PRR5: variants seen among roughly 807,000 people sequenced by gnomAD.
PRR5 encodes proline-rich protein 5.
A neutral mutation model predicts 30.6 loss-of-function variants in PRR5; 25 were observed. The observed-to-expected ratio is 0.82, with a 90% confidence interval of 0.60 to 1.14. The LOEUF (loss-of-function observed/expected upper bound fraction) is 1.14, where lower values mean the gene tolerates loss of function less well. Ranked by LOEUF, PRR5 falls within the 50% of genes most tolerant of loss-of-function variation. The pLI is 0.00. For missense variants in PRR5, 600 were observed against 547.1 expected, an observed-to-expected ratio of 1.10 and a Z score of -0.96; for synonymous variants, 286 against 247.1, an observed-to-expected ratio of 1.16 and a Z score of -1.48.
Position 44,737,322 on chromosome 22 carries a change from T to C in PRR5, c.*75T>C. ...GGTGTCCATGTGGCGTGTGTGTGAG[T>C]GAGACTTTTTTACTGCGTCCCGTCC... On this transcript the variant is annotated 3_prime_UTR_variant, in exon 8 of 8. Transcript: ENST00000336985. The C allele has an allele frequency of 6.6e-7, 1 of 1,513,644 alleles. No homozygotes were observed. The highest frequency in any genetic ancestry group is 8.8e-7 in the Non-Finnish European group (1 of 1,130,966). 93.8% of individuals were successfully genotyped at this position (1,513,644 alleles called of 1,614,324 possible).
At chr22:44,726,067 G>A (rs1459002924) in intron 3 of PRR5, among the ~76,000 whole-genome samples, 1 of 152,234 alleles carries the variant, frequency 6.6e-6, no homozygotes, top group Non-Finnish European at 1.5e-5. Context: ...ACAAGCCAGT[G>A]CTTCATTTCT....
chr22:44,673,616 G>A (rs561897367), upstream of PRR5, among the ~76,000 whole-genome samples: 18 of 152,308 alleles, frequency 1.2e-4, no homozygotes, highest in South Asian at 2.1e-4. Flanking sequence ...GTGGATAGAC[G>A]TGTGGCTCCC....
intron 4 of PRR5, chr22:44,729,702 C>T (rs1440691725): frequency 2.2e-5 from 22 of 985,384 alleles, no homozygotes; most frequent in Non-Finnish European, 2.5e-5. Flanking sequence ...AGAGCCCCAA[C>T]AGCCGCGAGG....
chr22:44,719,167 C>A (rs111430257), intron 2 of PRR5, among the ~76,000 whole-genome samples: 3,300 of 151,870 alleles, frequency 0.022, 111 homozygotes, highest in African/African-American at 0.068. Context: ...GCCGCCTGCA[C>A]CTTGTGGGCT....
intron 1 of PRR5, among the ~76,000 whole-genome samples, chr22:44,713,961 G>T (rs1305975204): frequency 6.6e-6 from 1 of 152,138 alleles, no homozygotes; most frequent in African/African-American, 2.4e-5. Context: ...CCGCCATCGC[G>T]CCCTGCTGAT....
upstream of PRR5, among the ~76,000 whole-genome samples, chr22:44,697,778 C>T (rs954376046): frequency 3.9e-5 from 6 of 152,234 alleles, no homozygotes; most frequent in Admixed American, 1.3e-4. Context: ...CTCGGACATA[C>T]GCCTCGGCCT....
rs1926431739 is a variant in PRR5 at position 44,702,264 on chromosome 22, C to A, written c.-211C>A. The A allele has an allele frequency of 6.1e-6, 7 of 1,141,244 alleles. No individual in the cohort carries two copies. The South Asian group carries it at 2.1e-4, about 35-fold the overall frequency. 70.7% of individuals were successfully genotyped at this position (1,141,244 alleles called of 1,614,324 possible). A position where few individuals can be genotyped will look rare whatever the true frequency, so the allele number is the denominator to read the frequency against. The stretch of plus-strand genomic sequence containing the variant: ...GCCTGGCGCTCCACGCTGAGCCTCT[C>A]CGTGCAATGATTAACCCGGCGGGGC... On this transcript the variant is annotated 5_prime_UTR_variant, in exon 1 of 8. Transcript: ENST00000336985.
chr22:44,677,859 T>C (rs1217247704), intron 1 of PRR5, among the ~76,000 whole-genome samples: 1 of 152,264 alleles, frequency 6.6e-6, no homozygotes, highest in Non-Finnish European at 1.5e-5. Context: ...TGTGTCCTTA[T>C]TCTTTCTCAC....
rs146063165 is a variant in PRR5 at position 44,713,889 on chromosome 22, T to C, written c.135-702T>C. 3.1e-3 allele frequency among the ~76,000 whole-genome samples: 474 copies of C among 152,290 alleles called. 4 individuals are homozygous for C. The highest frequency in any genetic ancestry group is 0.018 in the East Asian group (94 of 5,164). ...CGCGATCTCGGCTCATCGCAAGCTCTGCCTCCCGGGTTCACGCCACTCTCC... is the reference window on the plus strand; with the variant it reads ...CGCGATCTCGGCTCATCGCAAGCTCCGCCTCCCGGGTTCACGCCACTCTCC... On this transcript the variant is annotated intron_variant, in intron 1 of 7. Coordinates refer to ENST00000336985, the MANE Select transcript of PRR5 (RefSeq NM_181333.4).
At chr22:44,678,814 G>T (rs545496338) in intron 1 of PRR5, among the ~76,000 whole-genome samples, 1 of 152,280 alleles carries the variant, frequency 6.6e-6, no homozygotes, top group Admixed American at 6.5e-5. Context: ...GCCTGGGGCT[G>T]CTCTGTGTGA....
At chr22:44,676,752 T>A (rs943995321), upstream of PRR5, 1 of 152,472 alleles carries the variant, frequency 6.6e-6, no homozygotes, top group Admixed American at 6.5e-5. Flanking sequence ...GAATGAGCTG[T>A]CTGGGCTCCT....
Position 44,732,350 on chromosome 22 carries a change from C to T in PRR5, c.514C>T (p.Arg172Cys), listed in dbSNP as rs760293496. Residue 172 changes from arginine to cysteine, a missense_variant, in exon 6 of 8, where the codon CGT becomes TGT. By Grantham distance (180) the Arg-to-Cys change is radical. Transcript: ENST00000336985. ...LEDALARAHA[R>C]VPPAIVQMLL... ...GGATGCGCTGGCCCGGGCCCATGCC[C>T]GTGTGCCCCCTGCCATCGTGCAGAT... 21 of 1,611,490 alleles carry T rather than the reference C, an allele frequency of 1.3e-5. No individual in the cohort carries two copies. Among genetic ancestry groups the T allele is most frequent in the Admixed American group, 6.7e-5 (4 of 59,988 alleles).
chr22:44,729,721 C>CCTGGCCTCT, intron 4 of PRR5: 3 of 985,504 alleles, frequency 3.0e-6, no homozygotes, highest in Non-Finnish European at 3.6e-6. Flanking sequence ...GGCTGCCCTT[C>CCTGGCCTCT]CTGGCCTCTC....
At position 44,679,995 on chromosome 22, in the gene PRR5, G is replaced by A. The variant is rs1252874696; in HGVS notation, c.-11+2755G>A. The A allele has an allele frequency of 1.6e-5, 16 of 969,712 alleles. No homozygotes were observed. In the Admixed American group the frequency reaches 3.1e-4, roughly 19 times the overall value. 60.1% of individuals were successfully genotyped at this position (969,712 alleles called of 1,614,324 possible). A position where few individuals can be genotyped will look rare whatever the true frequency, so the allele number is the denominator to read the frequency against. ...GTGAGTAGGACGGCGAGAGACCCACGGGGAATGAGGGCTGGACCTCAGCCT... is the reference window on the plus strand; with the variant it reads ...GTGAGTAGGACGGCGAGAGACCCACAGGGAATGAGGGCTGGACCTCAGCCT... On this transcript the variant is annotated intron_variant, in intron 1 of 8. Transcript: ENST00000006251.
chr22:44,709,522 C>T (rs907634980), intron 1 of PRR5, among the ~76,000 whole-genome samples: 6 of 152,074 alleles, frequency 3.9e-5, no homozygotes, highest in African/African-American at 4.8e-5. Context: ...GAAGGAACGG[C>T]CCCACCAACA....
chr22:44,729,996 A>G, intron 4 of PRR5: 1 of 985,368 alleles, frequency 1.0e-6, no homozygotes, highest in Non-Finnish European at 1.2e-6. Flanking sequence ...GCTGGCCCCC[A>G]TCACCCTCAG....
chr22:44,737,004 G>A lies in PRR5; in HGVS notation c.924G>A (p.Arg308=). 6.2e-7 allele frequency: 1 copy of A among 1,600,088 alleles called. No homozygotes were observed. The highest frequency in any genetic ancestry group is 1.1e-5 in the South Asian group (1 of 90,728). ...GCCAGGGCCCCACCGGGACCTTCAG[G>A]TCCTCCCCGGCGCCCCACTCAGGGC... ...PPGQGPTGTF[R]SSPAPHSGPC... The change falls in exon 8 of 8, where the codon AGG becomes AGA. Residue 308 remains arginine (R), a synonymous_variant. Transcript: ENST00000336985.
chr22:44,714,253 T>G, intron 1 of PRR5, among the ~76,000 whole-genome samples: 1 of 149,736 alleles, frequency 6.7e-6, no homozygotes, highest in African/African-American at 2.5e-5. Context: ...TGTTGGGGGG[T>G]GGGAGAGGCG....
intron 1 of PRR5, among the ~76,000 whole-genome samples, chr22:44,680,137 G>C (rs1164762020): frequency 2.0e-5 from 3 of 152,196 alleles, no homozygotes; most frequent in African/African-American, 7.2e-5. Flanking sequence ...AGGGTGCTCG[G>C]GGCCGTAGGG....
Sources: gnomAD v4.1 joint callset for allele counts (sites outside exome capture counted in the v4.1 genomes callset) on GRCh38, gnomAD v4.1.1 for gene constraint, MANE v1.5 for transcripts, NCBI Gene and HGNC (gene_info 2026-07-23, HGNC 2026-07-21) for gene names.